The following CNTN5 variants were observed in gnomAD, a reference collection of about 807,000 sequenced individuals.
The protein encoded by CNTN5 is contactin-5.
A neutral mutation model predicts 129.1 loss-of-function variants in CNTN5; 77 were observed. The observed-to-expected ratio is 0.60, with a 90% confidence interval of 0.50 to 0.72. The LOEUF (loss-of-function observed/expected upper bound fraction) is 0.72, where lower values mean the gene tolerates loss of function less well. Among genes scored for constraint, CNTN5 ranks in the 30% least tolerant of loss-of-function variants. The pLI, the probability that CNTN5 is intolerant of heterozygous loss-of-function variation, is 0.00. For synonymous variants in CNTN5, 509 were observed against 465.6 expected (o/e 1.09, Z -1.20); for missense variants, 1,478 against 1,328.8 (o/e 1.11, Z -1.75).
chr11:99,872,057 ATATT>A (rs1948516652), intron 6 of CNTN5, among the ~76,000 whole-genome samples: 1 of 151,968 alleles, frequency 6.6e-6, no homozygotes, highest in Non-Finnish European at 1.5e-5. Flanking sequence ...TTTAAAGGAC[ATATT>A]TATGAACACT....
At chr11:99,856,787 C>T (rs892742738) in intron 6 of CNTN5, among the ~76,000 whole-genome samples, 5 of 152,112 alleles carry the variant, frequency 3.3e-5, no homozygotes, top group African/African-American at 1.2e-4. Flanking sequence ...CTACAAATGG[C>T]CTCAAGACCA....
intron 1 of CNTN5, among the ~76,000 whole-genome samples, chr11:99,128,341 C>T (rs1482807633): frequency 6.6e-6 from 1 of 152,204 alleles, no homozygotes; most frequent in Admixed American, 6.5e-5. Context: ...CTGGGTGGTA[C>T]TCCCCACAGC....
chr11:99,185,572 T>C (rs1858302655), intron 1 of CNTN5, among the ~76,000 whole-genome samples: 1 of 151,890 alleles, frequency 6.6e-6, no homozygotes, highest in African/African-American at 2.4e-5. Context: ...TTTTTTTCCC[T>C]ATGACCTTAA....
chr11:99,237,084 T>C (rs373746966), intron 1 of CNTN5, among the ~76,000 whole-genome samples: 16 of 152,274 alleles, frequency 1.1e-4, no homozygotes, highest in African/African-American at 3.8e-4. Flanking sequence ...TCTAAATGAT[T>C]TCATGTTTAA....
At chr11:99,391,796 TA>T (rs1941274075) in intron 2 of CNTN5, among the ~76,000 whole-genome samples, 1 of 151,978 alleles carries the variant, frequency 6.6e-6, no homozygotes, top group Non-Finnish European at 1.5e-5. Flanking sequence ...CATTTTTGTA[TA>T]AATTTTTGTT....
chr11:99,359,097 T>C (rs1938919814), intron 2 of CNTN5, among the ~76,000 whole-genome samples: 1 of 152,244 alleles, frequency 6.6e-6, no homozygotes, highest in African/African-American at 2.4e-5. Context: ...TGAAAAGTTA[T>C]ATTGTATTCT....
chr11:99,523,311 T>C (rs1947337655), intron 2 of CNTN5, among the ~76,000 whole-genome samples: 1 of 152,136 alleles, frequency 6.6e-6, no homozygotes, highest in Non-Finnish European at 1.5e-5. Flanking sequence ...CTGTTTAAAA[T>C]AGAATGCTTG....
chr11:99,674,152 A>G (rs1054417232), intron 3 of CNTN5, among the ~76,000 whole-genome samples: 13 of 152,144 alleles, frequency 8.5e-5, no homozygotes, highest in Admixed American at 7.9e-4. Flanking sequence ...TAGCCATTCT[A>G]ACTGATGTGA....
intron 1 of CNTN5, among the ~76,000 whole-genome samples, chr11:99,213,367 T>C (rs1200012264): frequency 4.2e-5 from 6 of 142,680 alleles, no homozygotes; most frequent in Non-Finnish European, 9.1e-5. Context: ...TGTATATATG[T>C]ATATATGTAT....
intron 3 of CNTN5, among the ~76,000 whole-genome samples, chr11:99,622,826 A>G (rs6590240): frequency 0.21 from 31,091 of 145,080 alleles, 3,671 homozygotes; most frequent in East Asian, 0.4. Context: ...TCACCTTTTT[A>G]TTAGAAAACT....
chr11:99,273,971 C>G (rs1230952465), intron 1 of CNTN5, among the ~76,000 whole-genome samples: 1 of 151,674 alleles, frequency 6.6e-6, no homozygotes, highest in Non-Finnish European at 1.5e-5. Context: ...GTGTTGACCA[C>G]TAGCCACAAG....
At chr11:99,103,230 G>A (rs140364519) in intron 1 of CNTN5, among the ~76,000 whole-genome samples, 2,364 of 152,182 alleles carry the variant, frequency 0.016, 41 homozygotes, top group Middle Eastern at 0.034. Context: ...ATTTGGGTGG[G>A]GACACAGCCA....
intron 1 of CNTN5, among the ~76,000 whole-genome samples, chr11:99,274,044 A>G (rs1863305748): frequency 6.6e-6 from 1 of 151,774 alleles, no homozygotes; most frequent in South Asian, 2.1e-4. Context: ...GTAGTTTCTT[A>G]GTAACACTAA....
intron 17 of CNTN5, among the ~76,000 whole-genome samples, 193 bp downstream of exon 17, chr11:100,256,111 C>T (rs1452226326): frequency 6.6e-6 from 1 of 152,058 alleles, no homozygotes; most frequent in East Asian, 1.9e-4. Context: ...CTTTTCAGTT[C>T]CCAAAGAGGA....
Position 99,879,914 on chromosome 11 carries a change from G to A in CNTN5, c.577+34652G>A, listed in dbSNP as rs569327703. On this transcript the variant is annotated intron_variant, in intron 6 of 24. Transcript: ENST00000524871. ...TCCTCCTGCACACTCATTTTCAGGA[G>A]AAGCAGTATTTATTTATTAAAATAC... Among the ~76,000 whole-genome samples, 174 of 152,302 alleles carry A rather than the reference G, an allele frequency of 1.1e-3. 1 individual carries two copies. The highest frequency in any genetic ancestry group is 2.0e-3 in the Non-Finnish European group (135 of 68,024).
intron 4 of CNTN5, among the ~76,000 whole-genome samples, chr11:99,843,807 C>T (rs569841347): frequency 6.6e-6 from 1 of 152,250 alleles, no homozygotes; most frequent in Non-Finnish European, 1.5e-5. Flanking sequence ...GACTGAGAAA[C>T]CTGATCTAGG....
chr11:99,723,473 G>A (rs924127937), intron 3 of CNTN5, among the ~76,000 whole-genome samples: 1 of 152,040 alleles, frequency 6.6e-6, no homozygotes, highest in African/African-American at 2.4e-5. Context: ...AGATGACTCT[G>A]CTTCCTATTT....
At chr11:99,227,229 G>A (rs1371011543) in intron 1 of CNTN5, among the ~76,000 whole-genome samples, 4 of 151,858 alleles carry the variant, frequency 2.6e-5, no homozygotes, top group East Asian at 1.9e-4. Context: ...GTGTGGTGGC[G>A]CTTGCCTGTA....
At chr11:100,124,039 A>C (rs759656316) in intron 13 of CNTN5, among the ~76,000 whole-genome samples, 1 of 152,042 alleles carries the variant, frequency 6.6e-6, no homozygotes, top group Non-Finnish European at 1.5e-5. Flanking sequence ...AAAATAGCCA[A>C]TATTTATTTT....
Sources: gnomAD v4.1 joint callset for allele counts (sites outside exome capture counted in the v4.1 genomes callset) on GRCh38, gnomAD v4.1.1 for gene constraint, MANE v1.5 for transcripts, NCBI Gene and HGNC (gene_info 2026-07-23, HGNC 2026-07-21) for gene names.